WWC2: variants seen among roughly 807,000 people sequenced by gnomAD.
The protein encoded by WWC2 is protein WWC2.
A neutral mutation model predicts 138.5 loss-of-function variants in WWC2; 101 were observed. That is an observed-to-expected ratio of 0.73 (90% confidence interval 0.62 to 0.86). The LOEUF is 0.86. WWC2 is among the 40% of genes least tolerant of loss of function. WWC2 has a pLI of 0.00. For missense variants in WWC2, 1,420 were observed against 1,419.4 expected, an observed-to-expected ratio of 1.00 and a Z score of -0.01; for synonymous variants, 558 against 538.4, an observed-to-expected ratio of 1.04 and a Z score of -0.50.
intron 1 of WWC2, among the ~76,000 whole-genome samples, chr4:183,154,782 T>C (rs1246578899): frequency 6.6e-6 from 1 of 152,200 alleles, no homozygotes; most frequent in East Asian, 1.9e-4. Flanking sequence ...AGGAGGATAG[T>C]AGATATGCCG....
At chr4:183,169,435 TA>T (rs1249216832) in intron 1 of WWC2, among the ~76,000 whole-genome samples, 1 of 5,192 alleles carries the variant, frequency 1.9e-4, no homozygotes, top group Non-Finnish European at 3.8e-3. Flanking sequence ...GCTTTTAAAA[TA>T]ATTTTTTTTT....
chr4:183,139,738 C>T (rs1733234021), intron 1 of WWC2, among the ~76,000 whole-genome samples: 1 of 152,214 alleles, frequency 6.6e-6, no homozygotes, highest in South Asian at 2.1e-4. Flanking sequence ...CATATGCATT[C>T]ACCCGTGCCG....
At chr4:183,131,496 A>G (rs544135467) in intron 1 of WWC2, among the ~76,000 whole-genome samples, 1 of 152,008 alleles carries the variant, frequency 6.6e-6, no homozygotes, top group African/African-American at 2.4e-5. Context: ...AAATTCCTAG[A>G]TGGGGTTTTT....
chr4:183,191,951 C>G (rs1735003718), intron 1 of WWC2, among the ~76,000 whole-genome samples: 1 of 152,124 alleles, frequency 6.6e-6, no homozygotes, highest in Admixed American at 6.5e-5. Context: ...GTCTTGAACT[C>G]CTGGTCTCAG....
chr4:183,250,739 A>T (rs975099022), intron 8 of WWC2, among the ~76,000 whole-genome samples: 1 of 152,194 alleles, frequency 6.6e-6, no homozygotes, highest in Non-Finnish European at 1.5e-5. Context: ...TAAGAGCTTT[A>T]AAATGCCATT....
intron 1 of WWC2, among the ~76,000 whole-genome samples, chr4:183,173,986 A>T (rs1580011703): frequency 6.6e-6 from 1 of 152,146 alleles, no homozygotes; most frequent in South Asian, 2.1e-4. Context: ...CCAGATGTTA[A>T]TGTCAGTAGA....
chr4:183,247,702 A>G (rs1736840410), intron 6 of WWC2, among the ~76,000 whole-genome samples: 1 of 139,884 alleles, frequency 7.1e-6, no homozygotes, highest in African/African-American at 2.7e-5. Flanking sequence ...TACTATATAT[A>G]CTATATGTAC....
chr4:183,203,135 C>T (rs544783188), intron 2 of WWC2, among the ~76,000 whole-genome samples: 4 of 150,554 alleles, frequency 2.7e-5, no homozygotes, highest in Admixed American at 2.6e-4. Flanking sequence ...TTCCAGTATT[C>T]GTATTCTTAT....
intron 9 of WWC2, among the ~76,000 whole-genome samples, 170 bp downstream of exon 9, chr4:183,254,169 C>G (rs913596872): frequency 6.6e-6 from 1 of 152,146 alleles, no homozygotes; most frequent in African/African-American, 2.4e-5. Context: ...TAATGCCCGA[C>G]AGGATAAGTT....
intron 21 of WWC2, among the ~76,000 whole-genome samples, chr4:183,298,952 C>G (rs1220139877): frequency 1.3e-5 from 2 of 152,162 alleles, no homozygotes; most frequent in Non-Finnish European, 2.9e-5. Flanking sequence ...CAGTCTTACA[C>G]AGGTTATGCA....
chr4:183,157,332 A>G (rs949230368), intron 1 of WWC2, among the ~76,000 whole-genome samples: 12 of 152,140 alleles, frequency 7.9e-5, no homozygotes, highest in African/African-American at 2.7e-4. Context: ...TCAACATACC[A>G]TGTCAGGGGG....
intron 1 of WWC2, among the ~76,000 whole-genome samples, chr4:183,174,828 GCT>G (rs758370577): frequency 1.2e-4 from 17 of 145,898 alleles, no homozygotes; most frequent in South Asian, 4.4e-4. Context: ...TCTCTTTTGC[GCT>G]CTCTCTCTCT....
chr4:183,124,536 C>CTTTTT (rs370409813), intron 1 of WWC2, among the ~76,000 whole-genome samples: 2 of 122,810 alleles, frequency 1.6e-5, no homozygotes, highest in Non-Finnish European at 1.7e-5. Context: ...TCCTTTTTCT[C>CTTTTT]TTTTTTTTTT....
chr4:183,186,120 T>C (rs1734793216), intron 1 of WWC2, among the ~76,000 whole-genome samples: 1 of 151,966 alleles, frequency 6.6e-6, no homozygotes, highest in Admixed American at 6.6e-5. Flanking sequence ...GCTAATTTTT[T>C]GTATTTTTAG....
chr4:183,155,766 C>T (rs1275201141), intron 1 of WWC2, among the ~76,000 whole-genome samples: 1 of 152,118 alleles, frequency 6.6e-6, no homozygotes, highest in Admixed American at 6.5e-5. Context: ...CTTTTCTGTA[C>T]GTGAGTGCCT....
chr4:183,169,038 G>A (rs1474513422), intron 1 of WWC2, among the ~76,000 whole-genome samples: 1 of 151,684 alleles, frequency 6.6e-6, no homozygotes, highest in Non-Finnish European at 1.5e-5. Context: ...AGTAGAGATG[G>A]GGTTTCTCCA....
At chr4:183,221,268 C>T (rs1735928091) in intron 4 of WWC2, among the ~76,000 whole-genome samples, 1 of 152,144 alleles carries the variant, frequency 6.6e-6, no homozygotes, top group South Asian at 2.1e-4. Context: ...GATGTATGCA[C>T]ATGCTAACAG....
rs762764175 is a variant in WWC2, at chr4:183,261,105, C to T, written c.1482C>T (p.Ser494=). The T allele has an allele frequency of 7.6e-5, 123 of 1,613,864 alleles. No individual in the cohort carries two copies. Among genetic ancestry groups the T allele is most frequent in the Middle Eastern group, 1.6e-4 (1 of 6,084 alleles). The change falls in exon 11 of 23, where the codon AGC becomes AGT. Residue 494 remains serine, a synonymous_variant. Transcript: ENST00000403733. The part of the protein sequence containing the change: ...YKLDFLLQEK[S]GYIPSGPITT... The stretch of plus-strand genomic sequence containing the variant: ...TGGACTTCCTTCTGCAAGAGAAAAG[C>T]GGTTACATTCCTTCTGGACCCATCA...
chr4:183,205,309 A>G (rs1473851492), intron 2 of WWC2, among the ~76,000 whole-genome samples: 1 of 152,190 alleles, frequency 6.6e-6, no homozygotes, highest in Admixed American at 6.5e-5. Flanking sequence ...TTCGCTGATA[A>G]TTAGTGATGT....
Sources: allele counts gnomAD v4.1 joint callset (sites outside exome capture counted in the v4.1 genomes callset), GRCh38; gene constraint gnomAD v4.1.1; transcripts MANE v1.5; gene names NCBI Gene and HGNC (gene_info 2026-07-23, HGNC 2026-07-21).